Variants in CFAP157 observed in about 807,000 individuals in gnomAD.
The protein encoded by CFAP157 is cilia and flagella associated protein 157, also known as cilia- and flagella-associated protein 157.
In CFAP157, 43 loss-of-function variants were observed where a neutral mutation model predicts 57.8. The ratio of observed to expected loss-of-function variants is 0.74; its 90% confidence interval spans 0.58 to 0.96. The LOEUF is 0.96. Among genes scored for constraint, CFAP157 ranks in the 40% least tolerant of loss-of-function variants. The pLI, the probability that CFAP157 is intolerant of heterozygous loss-of-function variation, is 0.00. For missense variants in CFAP157, 606 were observed against 655.3 expected (o/e 0.92, Z 0.82); for synonymous variants, 267 against 269.0 (o/e 0.99, Z 0.07).
chr9:127,711,646 G>A (rs1588393353), intron 4 of CFAP157, 150 bp downstream of exon 4: 2 of 1,178,004 alleles, frequency 1.7e-6, no homozygotes, highest in East Asian at 5.1e-5. Flanking sequence ...GCTGCAGGGT[G>A]CTGGGCCTAG....
chr9:127,709,568 A>G lies in CFAP157; in HGVS notation c.308A>G (p.Glu103Gly). 6.2e-7 allele frequency: 1 copy of G among 1,614,112 alleles called. No individual in the cohort carries two copies. Among genetic ancestry groups the G allele is most frequent in the Non-Finnish European group, 8.5e-7 (1 of 1,180,032 alleles). The change falls in exon 2 of 9, where the codon GAG (glutamate) becomes GGG (glycine). Residue 103 changes from glutamate to glycine, a missense_variant. Coordinates refer to ENST00000373295, the MANE Select transcript of CFAP157 (RefSeq NM_001012502.3). The surrounding 1 kb of genome is among the most constrained non-coding windows in gnomAD (Gnocchi z 4.7). Reference sequence around the variant, plus strand: ...GTGGATGAGATCACAGACCTCAACGAGCAGCTCCAGAACTTGCAGCTAGCC... The same window carrying G: ...GTGGATGAGATCACAGACCTCAACGGGCAGCTCCAGAACTTGCAGCTAGCC... The part of the protein sequence containing the change: ...QQVDEITDLN[E>G]QLQNLQLAKE...
At position 127,714,912 on chromosome 9, in the gene CFAP157, GCCCCCGCGCCCCAACCCCCA is replaced by G. The variant is rs1282142748; in HGVS notation, c.*1013_*1032del. ...CTGTCACAGCCAGTGCTCCCCTCTGGCCCCCGCGCCCCAACCCCCACCCCCTTGGCCCGCCCGCCCACCCC... is the reference window on the plus strand; with the variant it reads ...CTGTCACAGCCAGTGCTCCCCTCTGGCCCCCTTGGCCCGCCCGCCCACCCC... On this transcript the variant is annotated 3_prime_UTR_variant, in exon 9 of 9. Coordinates refer to ENST00000373295, the MANE Select transcript of CFAP157 (RefSeq NM_001012502.3). 4.6e-5 allele frequency: 35 copies of G among 766,968 alleles called. No individual in the cohort carries two copies. Among genetic ancestry groups the G allele is most frequent in the Non-Finnish European group, 6.2e-5 (30 of 486,434 alleles). 47.5% of individuals were successfully genotyped at this position (766,968 alleles called of 1,614,324 possible). A position where few individuals can be genotyped will look rare whatever the true frequency, so the allele number is the denominator to read the frequency against.
chr9:127,710,867 C>T (rs975481871), intron 3 of CFAP157, 113 bp downstream of exon 3: 21 of 1,235,010 alleles, frequency 1.7e-5, no homozygotes, highest in African/African-American at 7.6e-5. Context: ...GGAAACTGAC[C>T]GCCGCCCCGA....
chr9:127,707,466 C>T (rs929184040), intron 1 of CFAP157, among the ~76,000 whole-genome samples: 17 of 152,176 alleles, frequency 1.1e-4, no homozygotes, highest in Non-Finnish European at 2.2e-4. Context: ...TCCCCACGTC[C>T]CCCTGCCTCA....
Position 127,711,820 on chromosome 9 carries a change from A to G in CFAP157, c.856A>G (p.Ile286Val). Residue 286 changes from isoleucine (I) to valine (V), a missense_variant and splice_region_variant, in exon 5 of 9, where the codon ATC becomes GTC. Coordinates refer to ENST00000373295, the MANE Select transcript of CFAP157 (RefSeq NM_001012502.3). ...MARHKRGHQK[I>V]ILMLTKKCQE... ...CATGGCCACCTGTCCGCACCCGCAGATCATCCTCATGCTGACTAAGAAGTG... is the reference window on the plus strand; with the variant it reads ...CATGGCCACCTGTCCGCACCCGCAGGTCATCCTCATGCTGACTAAGAAGTG... The G allele has an allele frequency of 1.3e-6, 2 of 1,563,176 alleles. No homozygotes were observed. Among genetic ancestry groups the G allele is most frequent in the Non-Finnish European group, 8.7e-7 (1 of 1,153,824 alleles).
In CFAP157 at chr9:127,707,097, G is replaced by A. The variant is rs1184285766; in HGVS notation, c.66G>A (p.Lys22=). The A allele has an allele frequency of 6.2e-7, 1 of 1,613,854 alleles. No homozygotes were observed. Among genetic ancestry groups the A allele is most frequent in the Non-Finnish European group, 8.5e-7 (1 of 1,180,036 alleles). The part of the protein sequence containing the change: ...KELEVKKKGG[K]KEPVVAVEPP... ...TTGAAGTCAAGAAGAAAGGGGGCAA[G>A]AAGGAGCCGGTGGTGGCCGTGGAGC... The change falls in exon 1 of 9, where the codon AAG becomes AAA. Residue 22 remains lysine, a synonymous_variant. Coordinates refer to ENST00000373295, the MANE Select transcript of CFAP157 (RefSeq NM_001012502.3).
Position 127,710,760 on chromosome 9 carries a change from C to T in CFAP157, c.587+6C>T, listed in dbSNP as rs1439658200. ...TCGGTGCTGGACAAGGACAGGTGGGCAAGCGGGGCACCCTTTGGGGCCTTT... is the reference window on the plus strand; with the variant it reads ...TCGGTGCTGGACAAGGACAGGTGGGTAAGCGGGGCACCCTTTGGGGCCTTT... On this transcript the variant is annotated splice_donor_region_variant and intron_variant, in intron 3 of 8. Transcript: ENST00000373295. 7 of 1,560,218 alleles carry T rather than the reference C, an allele frequency of 4.5e-6. No individual in the cohort carries two copies. Among genetic ancestry groups the T allele is most frequent in the Middle Eastern group, 1.7e-4 (1 of 6,000 alleles).
At chr9:127,710,802 G>C in intron 3 of CFAP157, 48 bp downstream of exon 3, 2 of 1,544,988 alleles carry the variant, frequency 1.3e-6, no homozygotes, top group Non-Finnish European at 8.8e-7. Flanking sequence ...TTCATCCCTG[G>C]GGCTACGAAC....
chr9:127,715,438 T>A lies in CFAP157; in HGVS notation c.*1533T>A. 1 of 1,503,650 alleles carries A rather than the reference T, an allele frequency of 6.7e-7. No homozygotes were observed. Among genetic ancestry groups the A allele is most frequent in the South Asian group, 1.2e-5 (1 of 85,636 alleles). The allele number at this position is 1,503,650 out of a possible 1,614,324, so 93.1% of individuals were successfully genotyped here. ...GCCCGTCGAGCACTGAACTCACCAG[T>A]TAAGAAAACAGAGCAGCAATTTGGG... On this transcript the variant is annotated 3_prime_UTR_variant, in exon 9 of 9. Coordinates refer to ENST00000373295, the MANE Select transcript of CFAP157 (RefSeq NM_001012502.3). This position sits in a 1 kb window ranked among gnomAD's most constrained non-coding sequence, Gnocchi z 5.8.
Position 127,714,918 on chromosome 9 carries a change from G to GGGGGGGGGGCCCCCC in CFAP157, c.*1013_*1014insGGGGGGGGGCCCCCC. 2.5e-6 allele frequency: 1 copy of GGGGGGGGGGCCCCCC among 398,846 alleles called. No homozygotes were observed. The highest frequency in any genetic ancestry group is 3.8e-5 in the Admixed American group (1 of 26,408). The allele number at this position is 398,846 out of a possible 1,614,324, so 24.7% of individuals were successfully genotyped here. The stretch of plus-strand genomic sequence containing the variant: ...CAGCCAGTGCTCCCCTCTGGCCCCC[G>GGGGGGGGGGCCCCCC]CGCCCCAACCCCCACCCCCTTGGCC... On this transcript the variant is annotated 3_prime_UTR_variant, in exon 9 of 9. Coordinates refer to ENST00000373295, the MANE Select transcript of CFAP157 (RefSeq NM_001012502.3).
Position 127,711,907 on chromosome 9 carries a change from G to A in CFAP157, c.943G>A (p.Glu315Lys), listed in dbSNP as rs1174020299. 2 of 1,603,932 alleles carry A rather than the reference G, an allele frequency of 1.2e-6. No individual in the cohort carries two copies. The highest frequency in any genetic ancestry group is 2.3e-5 in the South Asian group (2 of 88,830). The change falls in exon 5 of 9, where the codon GAG becomes AAG. Residue 315 changes from glutamate (E) to lysine (K), a missense_variant. Physicochemically the swap from Glu to Lys is moderately conservative, Grantham distance 56. Transcript: ENST00000373295. ...EELRLLLSQL[E>K]QRSLQLQVDN... Reference sequence around the variant, plus strand: ...GCTGCGCCTCCTGCTGAGCCAGTTGGAGCAGAGATCCCTGCAGCTGCAGGT... The same window carrying A: ...GCTGCGCCTCCTGCTGAGCCAGTTGAAGCAGAGATCCCTGCAGCTGCAGGT...
In CFAP157 at chr9:127,715,463, GGGCACTC is replaced by G; in HGVS notation, c.*1562_*1568del. 6.3e-7 allele frequency: 1 copy of G among 1,581,646 alleles called. No individual in the cohort carries two copies. Among genetic ancestry groups the G allele is most frequent in the Non-Finnish European group, 8.6e-7 (1 of 1,156,674 alleles). ...TTAAGAAAACAGAGCAGCAATTTGGGGGCACTCGGCTCCCGGGACATAATGGCCGAAC... is the reference window on the plus strand; with the variant it reads ...TTAAGAAAACAGAGCAGCAATTTGGGGGCTCCCGGGACATAATGGCCGAAC... On this transcript the variant is annotated 3_prime_UTR_variant, in exon 9 of 9. Transcript: ENST00000373295. The surrounding 1 kb of genome is among the most constrained non-coding windows in gnomAD (Gnocchi z 5.8).
Position 127,714,857 on chromosome 9 carries a change from C to A in CFAP157, c.*952C>A. The A allele has an allele frequency of 9.5e-7, 1 of 1,048,250 alleles. No individual in the cohort carries two copies. The highest frequency in any genetic ancestry group is 1.4e-6 in the Non-Finnish European group (1 of 722,138). The allele number at this position is 1,048,250 out of a possible 1,614,324, so 64.9% of individuals were successfully genotyped here. ...CCAAAGCCATGCAGCAACTGGAGCT[C>A]AACAGGTACTTGGAGGTGAACCCGC... is the stretch of plus-strand genomic sequence containing the variant. On this transcript the variant is annotated 3_prime_UTR_variant, in exon 9 of 9. Coordinates refer to ENST00000373295, the MANE Select transcript of CFAP157 (RefSeq NM_001012502.3).
At chr9:127,711,664 T>C (rs969910549) in intron 4 of CFAP157, among the ~76,000 whole-genome samples, 156 bp from the exon 5 acceptor site, 1 of 152,040 alleles carries the variant, frequency 6.6e-6, no homozygotes, top group Non-Finnish European at 1.5e-5. Flanking sequence ...TAGCTCCGGA[T>C]TGTATTTATT....
chr9:127,709,385 G>A lies in CFAP157; in HGVS notation c.162-37G>A, dbSNP rs772562824. On this transcript the variant is annotated intron_variant, in intron 1 of 8. Transcript: ENST00000373295. This position sits in a 1 kb window ranked among gnomAD's most constrained non-coding sequence, Gnocchi z 4.7. ...CTGCACCAGAGGCCTGGCTTGCCCAGCCTGACCCCTGGACCACGGCTCTGC... is the reference window on the plus strand; with the variant it reads ...CTGCACCAGAGGCCTGGCTTGCCCAACCTGACCCCTGGACCACGGCTCTGC... 6.9e-6 allele frequency: 11 copies of A among 1,600,240 alleles called. No individual in the cohort carries two copies. The South Asian group carries it at 1.2e-4, about 18-fold the overall frequency.
In CFAP157 at chr9:127,714,897, C is replaced by A; in HGVS notation, c.*992C>A. ...GGTGAACCCGCGGATCTGTCACAGC[C>A]AGTGCTCCCCTCTGGCCCCCGCGCC... On this transcript the variant is annotated 3_prime_UTR_variant, in exon 9 of 9. Transcript: ENST00000373295. The A allele has an allele frequency of 9.6e-7, 1 of 1,043,254 alleles. No individual in the cohort carries two copies. The allele number at this position is 1,043,254 out of a possible 1,614,324, so 64.6% of individuals were successfully genotyped here. A position where few individuals can be genotyped will look rare whatever the true frequency, so the allele number is the denominator to read the frequency against.
Position 127,714,925 on chromosome 9 carries a change from A to AC in CFAP157, c.*1020_*1021insC. The AC allele has an allele frequency of 6.4e-6, 2 of 313,266 alleles. No homozygotes were observed. Among genetic ancestry groups the AC allele is most frequent in the Non-Finnish European group, 1.1e-5 (2 of 175,364 alleles). The allele number at this position is 313,266 out of a possible 1,614,324, so 19.4% of individuals were successfully genotyped here. A position where few individuals can be genotyped will look rare whatever the true frequency, so the allele number is the denominator to read the frequency against. ...TGCTCCCCTCTGGCCCCCGCGCCCC[A>AC]ACCCCCACCCCCTTGGCCCGCCCGC... On this transcript the variant is annotated 3_prime_UTR_variant, in exon 9 of 9. Coordinates refer to ENST00000373295, the MANE Select transcript of CFAP157 (RefSeq NM_001012502.3).
Position 127,713,022 on chromosome 9 carries a change from G to A in CFAP157, c.1307G>A (p.Arg436Gln), listed in dbSNP as rs746139886. The change falls in exon 8 of 9, where the codon CGG becomes CAG. Residue 436 changes from arginine to glutamine, a missense_variant and splice_region_variant. Physicochemically the swap from Arg to Gln is conservative, Grantham distance 43. Coordinates refer to ENST00000373295, the MANE Select transcript of CFAP157 (RefSeq NM_001012502.3). Reference protein sequence around the residue: ...SQSHGPPKESRPSIQLPRTGS... With the variant: ...SQSHGPPKESQPSIQLPRTGS... ...GACCCTCGGCCCCCTCCCCACAGCC[G>A]GCCCAGCATCCAGCTGCCCAGGACT... 3.0e-5 allele frequency: 49 copies of A among 1,612,716 alleles called. No homozygotes were observed. The highest frequency in any genetic ancestry group is 3.6e-5 in the Non-Finnish European group (42 of 1,179,538).
Position 127,715,568 on chromosome 9 carries a change from A to T in CFAP157, c.*1663A>T. The stretch of plus-strand genomic sequence containing the variant: ...CCATCCACCGCTTCCCCGGGGGGCG[A>T]GGCTCCAAAACACATCGGCTCATGG... On this transcript the variant is annotated 3_prime_UTR_variant, in exon 9 of 9. Transcript: ENST00000373295. This position sits in a 1 kb window ranked among gnomAD's most constrained non-coding sequence, Gnocchi z 5.8. 6.2e-7 allele frequency: 1 copy of T among 1,613,454 alleles called. No individual in the cohort carries two copies. Among genetic ancestry groups the T allele is most frequent in the Non-Finnish European group, 8.5e-7 (1 of 1,180,016 alleles).
Sources: gnomAD v4.1 joint callset for allele counts (sites outside exome capture counted in the v4.1 genomes callset) on GRCh38, gnomAD v4.1.1 for gene constraint, Gnocchi (gnomAD v3.1) non-coding constraint, MANE v1.5 for transcripts, NCBI Gene and HGNC (gene_info 2026-07-23, HGNC 2026-07-21) for gene names.